ARHGEF3: variants seen among roughly 807,000 people sequenced by gnomAD.
ARHGEF3 encodes 59.8 kDA protein.
Under a neutral mutation model 63.2 loss-of-function variants are expected in ARHGEF3, and 28 were observed. The observed-to-expected ratio is 0.44, with a 90% CI of 0.33 to 0.61. The LOEUF (loss-of-function observed/expected upper bound fraction) is 0.61, where lower values mean the gene tolerates loss of function less well. ARHGEF3 is among the 20% of genes least tolerant of loss of function. The pLI is 0.03. For missense variants in ARHGEF3, 533 were observed against 659.3 expected (o/e 0.81, Z 2.10); for synonymous variants, 266 against 254.2 (o/e 1.05, Z -0.44).
At chr3:56,996,786 A>C (rs1702003703) in intron 2 of ARHGEF3, among the ~76,000 whole-genome samples, 1 of 152,192 alleles carries the variant, frequency 6.6e-6, no homozygotes, top group Non-Finnish European at 1.5e-5. Context: ...CTATAGCCCA[A>C]GCTTGTGCAA....
intron 4 of ARHGEF3, among the ~76,000 whole-genome samples, chr3:56,823,999 A>AC (rs1164615283): frequency 6.6e-6 from 1 of 150,778 alleles, no homozygotes; most frequent in Non-Finnish European, 1.5e-5. Flanking sequence ...AAAAAAAAAA[A>AC]AAAAAACAGA....
intron 2 of ARHGEF3, 151 bp downstream of exon 2, chr3:56,773,558 T>G: frequency 1.6e-6 from 1 of 627,692 alleles, no homozygotes; most frequent in Non-Finnish European, 2.5e-6. Context: ...AACATCTTTC[T>G]TCCTCCAAGT....
chr3:56,846,396 G>A (rs990112068), intron 4 of ARHGEF3, among the ~76,000 whole-genome samples: 2 of 130,888 alleles, frequency 1.5e-5, no homozygotes, highest in Non-Finnish European at 3.4e-5. Flanking sequence ...GGCTTCAAGT[G>A]CAACGACAAG....
intron 1 of ARHGEF3, among the ~76,000 whole-genome samples, chr3:56,775,944 C>T (rs1293990939): frequency 6.6e-6 from 1 of 152,160 alleles, no homozygotes; most frequent in Non-Finnish European, 1.5e-5. Context: ...GGGAGCAGGA[C>T]CTGGTCTCAG....
At chr3:56,881,008 GA>G (rs1312504487) in intron 4 of ARHGEF3, among the ~76,000 whole-genome samples, 1 of 140,406 alleles carries the variant, frequency 7.1e-6, no homozygotes, top group African/African-American at 2.7e-5. Context: ...TTGCATCACA[GA>G]AAACTCTGCA....
In ARHGEF3 at chr3:56,988,823, T is replaced by C. The variant is rs146882610; in HGVS notation, c.63-29934A>G. On this transcript the variant is annotated intron_variant, in intron 2 of 12. Transcript: ENST00000338458. ...AACAGTATGTGCCCATCTGGCCCCG[T>C]TTCTGTCTGAATCTTGTGCTCAGAA... 6.2e-3 allele frequency among the ~76,000 whole-genome samples: 942 copies of C among 152,304 alleles called. 7 individuals are homozygous for C. Among genetic ancestry groups the C allele is most frequent in the African/African-American group, 0.022 (913 of 41,564 alleles).
intron 1 of ARHGEF3, among the ~76,000 whole-genome samples, chr3:56,776,700 C>T (rs1016474056): frequency 6.6e-6 from 1 of 152,186 alleles, no homozygotes; most frequent in Admixed American, 6.5e-5. Context: ...AATAGCTCTA[C>T]TGAGAACTAG....
At chr3:56,878,555 C>T (rs774175542) in intron 4 of ARHGEF3, among the ~76,000 whole-genome samples, 7 of 152,124 alleles carry the variant, frequency 4.6e-5, no homozygotes, top group Admixed American at 6.5e-5. Context: ...TTTGGAGATA[C>T]GTCACCCATC....
intron 2 of ARHGEF3, among the ~76,000 whole-genome samples, chr3:56,994,296 A>G (rs554563112): frequency 1.1e-4 from 17 of 152,126 alleles, no homozygotes; most frequent in Middle Eastern, 3.2e-3. Context: ...AGGTTTAACT[A>G]TAGAAGCTCT....
intron 2 of ARHGEF3, among the ~76,000 whole-genome samples, chr3:56,767,796 G>A (rs2035791512): frequency 6.6e-6 from 1 of 151,532 alleles, no homozygotes; most frequent in African/African-American, 2.4e-5. Flanking sequence ...GCCTAGGCTG[G>A]AGTGCAGTGG....
intron 4 of ARHGEF3, among the ~76,000 whole-genome samples, chr3:56,845,022 T>C (rs1459488855): frequency 3.9e-5 from 6 of 152,344 alleles, no homozygotes; most frequent in African/African-American, 9.6e-5. Context: ...CAAGAGGCCA[T>C]GTTGAAAGGC....
At chr3:57,034,895 G>C (rs113366946) in intron 2 of ARHGEF3, among the ~76,000 whole-genome samples, 2,140 of 152,060 alleles carry the variant, frequency 0.014, 54 homozygotes, top group African/African-American at 0.049. Context: ...CTGGACTCAA[G>C]TGATCCTCTC....
intron 4 of ARHGEF3, among the ~76,000 whole-genome samples, chr3:56,818,830 T>C (rs1297712778): frequency 1.3e-5 from 2 of 152,188 alleles, no homozygotes; most frequent in Admixed American, 6.5e-5. Context: ...GTGGCAAATA[T>C]TGTTTCATGG....
At chr3:56,866,957 T>A (rs2040271332) in intron 4 of ARHGEF3, among the ~76,000 whole-genome samples, 2 of 152,274 alleles carry the variant, frequency 1.3e-5, no homozygotes, top group Admixed American at 1.3e-4. Flanking sequence ...ATCATGTGTA[T>A]ATTTCACATT....
intron 1 of ARHGEF3, among the ~76,000 whole-genome samples, chr3:57,071,377 T>C (rs976640497): frequency 1.3e-5 from 2 of 152,046 alleles, no homozygotes; most frequent in Admixed American, 1.3e-4. Flanking sequence ...TATATAGGCA[T>C]ATGGCTGGGC....
At chr3:56,922,197 C>T (rs532683526) in intron 3 of ARHGEF3, among the ~76,000 whole-genome samples, 117 of 152,276 alleles carry the variant, frequency 7.7e-4, no homozygotes, top group African/African-American at 2.7e-3. Flanking sequence ...GCATGAAGCA[C>T]ACAGGGGCCG....
intron 4 of ARHGEF3, among the ~76,000 whole-genome samples, chr3:56,852,418 T>C (rs2039709367): frequency 6.6e-6 from 1 of 152,130 alleles, no homozygotes; most frequent in Admixed American, 6.5e-5. Context: ...AGAGACCAGA[T>C]AAAAGGGGAC....
intron 2 of ARHGEF3, among the ~76,000 whole-genome samples, chr3:56,757,725 C>CT (rs908132883): frequency 1.6e-4 from 23 of 146,242 alleles, no homozygotes; most frequent in South Asian, 6.6e-4. Context: ...TATTTTTAGC[C>CT]TTTTTTTTTT....
intron 3 of ARHGEF3, among the ~76,000 whole-genome samples, chr3:56,902,144 G>A (rs899463718): frequency 9.2e-5 from 14 of 152,170 alleles, no homozygotes; most frequent in Non-Finnish European, 2.1e-4. Context: ...AGAAGGCAGT[G>A]TATCACCTTG....
Sources: allele counts gnomAD v4.1 joint callset (sites outside exome capture counted in the v4.1 genomes callset), GRCh38; gene constraint gnomAD v4.1.1; transcripts MANE v1.5; gene names NCBI Gene and HGNC (gene_info 2026-07-23, HGNC 2026-07-21).